Variants in SYNE2 observed in about 807,000 individuals in gnomAD.
The protein encoded by SYNE2 is nesprin-2.
In SYNE2, 431 loss-of-function variants were observed where a neutral mutation model predicts 856.3. The ratio of observed to expected loss-of-function variants is 0.50; its 90% CI spans 0.47 to 0.55. The LOEUF (loss-of-function observed/expected upper bound fraction) is 0.55. Ranked by LOEUF, SYNE2 falls within the 20% of genes least tolerant of loss-of-function variation. SYNE2 has a pLI of 0.00. For missense variants in SYNE2, 8,129 were observed against 8,023.2 expected, an observed-to-expected ratio of 1.01 and a Z score of -0.50; for synonymous variants, 2,923 against 2,872.3, an observed-to-expected ratio of 1.02 and a Z score of -0.56.
intron 63 of SYNE2, among the ~76,000 whole-genome samples, chr14:64,100,531 A>AAAAAAAAATATAT (rs1491537041): frequency 2.5e-5 from 1 of 39,482 alleles, no homozygotes; most frequent in Non-Finnish European, 4.7e-5. Flanking sequence ...AAAAAAAAAA[A>AAAAAAAAATATAT]ATATATATAT....
At chr14:64,051,065 G>T (rs1370796594) in intron 47 of SYNE2, among the ~76,000 whole-genome samples, 1 of 151,884 alleles carries the variant, frequency 6.6e-6, no homozygotes, top group African/African-American at 2.4e-5. Context: ...TCTAAATGGG[G>T]TTTACTTTCA....
chr14:64,016,542 A>T lies in SYNE2; in HGVS notation c.4798A>T (p.Asn1600Tyr). The T allele has an allele frequency of 6.2e-7, 1 of 1,604,860 alleles. No homozygotes were observed. The highest frequency in any genetic ancestry group is 8.5e-7 in the Non-Finnish European group (1 of 1,174,786). Residue 1600 changes from asparagine (N) to tyrosine (Y), a missense_variant, in exon 33 of 116, where the codon AAT (asparagine) becomes TAT (tyrosine). Physicochemically the swap from Asn to Tyr is moderately radical, Grantham distance 143. This residue lies in a region of SYNE2 where 2,422 missense variants were observed against 2,357.4 expected (regional missense o/e 1.03). Transcript: ENST00000555002. ...VVDKINQVCK[N>Y]LQFYLNKMKT... Reference sequence around the variant, plus strand: ...AGACAAGATAAACCAGGTCTGCAAAAATCTACAATTTTATCTAAATAAAAT... The same window carrying T: ...AGACAAGATAAACCAGGTCTGCAAATATCTACAATTTTATCTAAATAAAAT...
intron 58 of SYNE2, among the ~76,000 whole-genome samples, chr14:64,088,811 T>G (rs775945621): frequency 1.4e-4 from 21 of 152,226 alleles, no homozygotes; most frequent in Non-Finnish European, 2.8e-4. Context: ...TCAGTTACAT[T>G]CCCTACACCA....
intron 1 of SYNE2, among the ~76,000 whole-genome samples, chr14:63,886,184 C>T (rs1369652474): frequency 6.6e-6 from 1 of 152,130 alleles, no homozygotes; most frequent in Non-Finnish European, 1.5e-5. Context: ...GGACTCACTA[C>T]CTACAAAAAC....
intron 2 of SYNE2, among the ~76,000 whole-genome samples, chr14:63,919,218 T>TTAA (rs2095567750): frequency 6.6e-6 from 1 of 152,200 alleles, no homozygotes; most frequent in Non-Finnish European, 1.5e-5. Flanking sequence ...GTGCTTATAT[T>TTAA]TAAGCCAGAC....
intron 6 of SYNE2, among the ~76,000 whole-genome samples, chr14:63,944,393 T>C (rs2095983408): frequency 6.6e-6 from 1 of 150,804 alleles, no homozygotes; most frequent in African/African-American, 2.4e-5. Context: ...CATTTGTAAT[T>C]ATAGGTAATT....
At chr14:63,861,828 C>T (rs568999470) in intron 1 of SYNE2, among the ~76,000 whole-genome samples, 50 of 152,168 alleles carry the variant, frequency 3.3e-4, no homozygotes, top group Non-Finnish European at 3.8e-4. Context: ...GAAGTGAGCA[C>T]ATAAAACAAA....
At chr14:63,851,983 G>C (rs1272317663), upstream of SYNE2, among the ~76,000 whole-genome samples, 1 of 9,306 alleles carries the variant, frequency 1.1e-4, no homozygotes, top group Non-Finnish European at 3.8e-4. Flanking sequence ...AGCGGGGGGG[G>C]GGGGGGGGGG....
intron 11 of SYNE2, among the ~76,000 whole-genome samples, chr14:63,975,328 G>T (rs914494943): frequency 1.3e-5 from 2 of 151,674 alleles, no homozygotes; most frequent in African/African-American, 4.8e-5. Flanking sequence ...TTGAATTTAT[G>T]TGTATTATTT....
At chr14:63,850,351 G>C (rs1202851922), upstream of SYNE2, among the ~76,000 whole-genome samples, 1 of 150,864 alleles carries the variant, frequency 6.6e-6, no homozygotes, top group Non-Finnish European at 1.5e-5. Context: ...GCCGCCCAAA[G>C]TGCTGGGATT....
At position 64,170,577 on chromosome 14, in the gene SYNE2, C is replaced by T. The variant is rs1018045360; in HGVS notation, c.17235+115C>T. ...TGATGTGATCCAAGTGGGCTCTCTG[C>T]AGTGTGAGGCCAGCAAGGTGCAGTC... On this transcript the variant is annotated intron_variant, in intron 94 of 115. Coordinates refer to ENST00000555002, the MANE Select transcript of SYNE2 (RefSeq NM_182914.3). The T allele has an allele frequency of 4.6e-6, 5 of 1,083,250 alleles. No homozygotes were observed. In the African/African-American group the frequency reaches 6.2e-5, roughly 14 times the overall value. 67.1% of individuals were successfully genotyped at this position (1,083,250 alleles called of 1,614,324 possible).
At position 64,051,809 on chromosome 14, in the gene SYNE2, G is replaced by C; in HGVS notation, c.7896G>C (p.Met2632Ile). ...AATATGATGAATTTACAACCCTCAT[G>C]AATAAGGTACAGGACACTGAGATTT... Reference protein sequence around the residue: ...VVEYDEFTTLMNKVQDTEISL... With the variant: ...VVEYDEFTTLINKVQDTEISL... The change falls in exon 48 of 116, where the codon ATG becomes ATC. Residue 2632 changes from methionine (M) to isoleucine (I), a missense_variant. By Grantham distance (10) the Met-to-Ile change is conservative. This residue lies in a region of SYNE2 where 5,410 missense variants were observed against 5,284.8 expected (regional missense o/e 1.02). Transcript: ENST00000555002. The C allele has an allele frequency of 6.2e-7, 1 of 1,614,120 alleles. No homozygotes were observed. The highest frequency in any genetic ancestry group is 8.5e-7 in the Non-Finnish European group (1 of 1,180,026).
At chr14:64,108,005 A>G (rs61984144) in intron 65 of SYNE2, among the ~76,000 whole-genome samples, 2 of 152,214 alleles carry the variant, frequency 1.3e-5, no homozygotes, top group South Asian at 2.1e-4. Context: ...AGGTAGGTTC[A>G]TACCTACCAT....
intron 2 of SYNE2, among the ~76,000 whole-genome samples, chr14:63,923,869 G>A (rs1346302540): frequency 2.6e-5 from 4 of 151,780 alleles, no homozygotes; most frequent in Non-Finnish European, 5.9e-5. Flanking sequence ...TGCCATTTCA[G>A]CTCACTGCAA....
At chr14:64,123,321 G>C (rs761339362) in intron 70 of SYNE2, among the ~76,000 whole-genome samples, 1 of 152,200 alleles carries the variant, frequency 6.6e-6, no homozygotes, top group African/African-American at 2.4e-5. Flanking sequence ...GGGAGCAGGT[G>C]AGCAAAACAG....
At chr14:64,028,196 C>G (rs1044806221) in intron 43 of SYNE2, among the ~76,000 whole-genome samples, 1 of 152,058 alleles carries the variant, frequency 6.6e-6, no homozygotes, top group African/African-American at 2.4e-5. Flanking sequence ...TGAGCCACAC[C>G]TGGCCTGTTG....
At chr14:63,996,803 C>T in intron 23 of SYNE2, 144 bp from the exon 24 acceptor site, 14 of 778,500 alleles carry the variant, frequency 1.8e-5, no homozygotes, top group Middle Eastern at 3.6e-4. Flanking sequence ...ATCTTTTTTT[C>T]TCTAGCGCCT....
chr14:63,854,755 G>A (rs1022810635), intron 1 of SYNE2, among the ~76,000 whole-genome samples: 1 of 152,300 alleles, frequency 6.6e-6, no homozygotes, highest in East Asian at 1.9e-4. Context: ...AAATTTTTTA[G>A]CATTTCAGTG....
chr14:63,806,075 C>G (rs1888350720), intron 1 of SYNE2, among the ~76,000 whole-genome samples: 1 of 152,148 alleles, frequency 6.6e-6, no homozygotes, highest in Admixed American at 6.5e-5. Flanking sequence ...AAGGGGAATG[C>G]TTCCAGCTTT....
Sources: gnomAD v4.1 joint callset for allele counts (sites outside exome capture counted in the v4.1 genomes callset) on GRCh38, gnomAD v4.1.1 for gene constraint, gnomAD v4.1.1 regional missense constraint, MANE v1.5 for transcripts, NCBI Gene and HGNC (gene_info 2026-07-23, HGNC 2026-07-21) for gene names.